TMEM273: variants seen among roughly 807,000 people sequenced by gnomAD.
TMEM273 encodes the protein chromosome 10 open reading frame 128.
TMEM273 carries 19 observed loss-of-function variants against 17.9 expected under a neutral mutation model. The observed-to-expected ratio is 1.06, with a 90% CI of 0.74 to 1.55. TMEM273 has a LOEUF of 1.55. Among genes scored for constraint, TMEM273 ranks in the 40% most tolerant of loss-of-function variants. TMEM273 has a pLI of 0.00. For missense variants in TMEM273, 194 were observed against 155.6 expected, an observed-to-expected ratio of 1.25 and a Z score of -1.31; for synonymous variants, 66 against 62.0, an observed-to-expected ratio of 1.07 and a Z score of -0.31.
chr10:49,163,873 T>C (rs1401720936), intron 5 of TMEM273, among the ~76,000 whole-genome samples: 1 of 152,116 alleles, frequency 6.6e-6, no homozygotes, highest in Non-Finnish European at 1.5e-5. Context: ...CATGTCCAGC[T>C]CATCCCAAGC....
chr10:49,179,373 G>T (rs1437972140), intron 1 of TMEM273, among the ~76,000 whole-genome samples: 1 of 152,186 alleles, frequency 6.6e-6, no homozygotes, highest in Non-Finnish European at 1.5e-5. Context: ...CAGGCATTCT[G>T]CCTTCATCCC....
At chr10:49,157,149 T>C (rs1177810737) in intron 6 of TMEM273, among the ~76,000 whole-genome samples, 2 of 152,200 alleles carry the variant, frequency 1.3e-5, no homozygotes, top group Admixed American at 6.5e-5. Flanking sequence ...CCAGAGTAGA[T>C]GGGCAGCCCA....
chr10:49,167,017 G>T lies in TMEM273; in HGVS notation c.98-8C>A, dbSNP rs750155174. 6 of 1,613,492 alleles carry T rather than the reference G, an allele frequency of 3.7e-6. No individual in the cohort carries two copies. The highest frequency in any genetic ancestry group is 1.1e-5 in the South Asian group (1 of 91,048). On this transcript the variant is annotated splice_polypyrimidine_tract_variant and splice_region_variant and intron_variant, in intron 2 of 6. Coordinates refer to ENST00000374153, the MANE Select transcript of TMEM273 (RefSeq NM_001288740.3). Reference sequence around the variant, plus strand: ...TGAGGGCGTACTTGAAATCTGAAACGCAGGGAGGAATTGAACACCCGGTTT... The same window carrying T: ...TGAGGGCGTACTTGAAATCTGAAACTCAGGGAGGAATTGAACACCCGGTTT...
Position 49,167,818 on chromosome 10 carries a change from A to G in TMEM273, c.97+91T>C, listed in dbSNP as rs1295776771. The G allele has an allele frequency of 3.9e-6, 6 of 1,530,728 alleles. No homozygotes were observed. In the African/African-American group the frequency reaches 4.1e-5, roughly 10 times the overall value. 94.8% of individuals were successfully genotyped at this position (1,530,728 alleles called of 1,614,324 possible). On this transcript the variant is annotated intron_variant, in intron 2 of 6. Coordinates refer to ENST00000374153, the MANE Select transcript of TMEM273 (RefSeq NM_001288740.3). ...TTCCTATGCTGACAGCAGGGAACCA[A>G]TTCCAGCACTGCGGCCCTCTGCTTG... is the stretch of plus-strand genomic sequence containing the variant.
chr10:49,168,914 G>A (rs944144234), intron 1 of TMEM273, among the ~76,000 whole-genome samples: 1 of 152,180 alleles, frequency 6.6e-6, no homozygotes, highest in Non-Finnish European at 1.5e-5. Flanking sequence ...GACACTGGGT[G>A]CAGTGCTGGC....
intron 1 of TMEM273, among the ~76,000 whole-genome samples, chr10:49,186,292 TC>T (rs1223048744): frequency 6.6e-6 from 1 of 152,230 alleles, no homozygotes; most frequent in African/African-American, 2.4e-5. Flanking sequence ...ATTAACTTAG[TC>T]AAATTCCTAC....
At chr10:49,177,271 T>G (rs950283518) in intron 1 of TMEM273, among the ~76,000 whole-genome samples, 2 of 152,204 alleles carry the variant, frequency 1.3e-5, no homozygotes, top group African/African-American at 4.8e-5. Flanking sequence ...GAATCTGGTC[T>G]TTTGGAAATT....
At chr10:49,185,206 G>A (rs117254797) in intron 1 of TMEM273, among the ~76,000 whole-genome samples, 1,676 of 152,220 alleles carry the variant, frequency 0.011, 14 homozygotes, top group Admixed American at 0.017. Flanking sequence ...CAGAGTGTTG[G>A]CTCCATAAAT....
intron 1 of TMEM273, 56 bp downstream of exon 1, chr10:49,188,237 CA>C: frequency 6.3e-7 from 1 of 1,596,370 alleles, no homozygotes; most frequent in Non-Finnish European, 8.6e-7. Flanking sequence ...AAGGCTCCCC[CA>C]GTTTCCTGCC....
intron 1 of TMEM273, among the ~76,000 whole-genome samples, chr10:49,180,452 G>A (rs1266260827): frequency 1.3e-5 from 2 of 152,120 alleles, no homozygotes; most frequent in Admixed American, 6.5e-5. Flanking sequence ...TGTCAGTGGT[G>A]GCCAGAGAGG....
intron 1 of TMEM273, among the ~76,000 whole-genome samples, chr10:49,184,726 A>G (rs1847559968): frequency 6.6e-6 from 1 of 152,148 alleles, no homozygotes; most frequent in Admixed American, 6.5e-5. Context: ...AGGAGAATTG[A>G]CACGACATTT....
intron 1 of TMEM273, among the ~76,000 whole-genome samples, chr10:49,186,795 G>A (rs1590269244): frequency 2.6e-5 from 4 of 152,280 alleles, no homozygotes; most frequent in African/African-American, 7.2e-5. Context: ...GAGCTGTGAT[G>A]CCTTGGCCCA....
intron 1 of TMEM273, among the ~76,000 whole-genome samples, chr10:49,184,548 T>C (rs1187045137): frequency 2.6e-5 from 4 of 152,218 alleles, no homozygotes; most frequent in African/African-American, 7.2e-5. Context: ...TTATTCCTAG[T>C]AGTGATTAGG....
rs550039539 is a variant in TMEM273 at position 49,177,016 on chromosome 10, G to C, written c.44-9054C>G. Among the ~76,000 whole-genome samples, 5 of 152,324 alleles carry C rather than the reference G, an allele frequency of 3.3e-5. No individual in the cohort carries two copies. In the South Asian group the frequency reaches 1.0e-3, roughly 32 times the overall value. On this transcript the variant is annotated intron_variant, in intron 1 of 6. Transcript: ENST00000374153. ...CATTCTTCAGGGGCCCCTTCCAGAG[G>C]GGGAGGTGCAGCCCTGCTGCCTGCC...
rs763403733 is a variant in TMEM273, at chr10:49,188,250, A to C, written c.43+44T>G. On this transcript the variant is annotated intron_variant, in intron 1 of 6. Coordinates refer to ENST00000374153, the MANE Select transcript of TMEM273 (RefSeq NM_001288740.3). ...CTAAGGCTCCCCCAGTTTCCTGCCC[A>C]CTGAGGCTCCCCCGGGCCAGAGACC... 24 of 1,611,504 alleles carry C rather than the reference A, an allele frequency of 1.5e-5. 1 individual carries two copies. In the South Asian group the frequency reaches 2.5e-4, roughly 17 times the overall value.
intron 1 of TMEM273, among the ~76,000 whole-genome samples, chr10:49,186,068 G>GAAGAAGAAGAAGAAGAAGAAGGA: frequency 1.5e-5 from 1 of 67,190 alleles, no homozygotes; most frequent in East Asian, 5.8e-4. Context: ...AAGAAGAAGA[G>GAAGAAGAAGAAGAAGAAGAAGGA]GAAGAAGAAG....
At chr10:49,165,045 G>A (rs927949564) in intron 5 of TMEM273, among the ~76,000 whole-genome samples, 160 bp downstream of exon 5, 7 of 152,140 alleles carry the variant, frequency 4.6e-5, no homozygotes, top group Admixed American at 1.3e-4. Flanking sequence ...AAGTGAAAAG[G>A]AAGACCCTAC....
intron 6 of TMEM273, 91 bp downstream of exon 6, chr10:49,161,508 A>G: frequency 1.3e-6 from 2 of 1,546,054 alleles, no homozygotes; most frequent in African/African-American, 2.7e-5. Flanking sequence ...TGGCCAGGGG[A>G]GGGAGAGGTC....
intron 1 of TMEM273, 68 bp from the exon 2 acceptor site, chr10:49,168,030 A>G (rs924901422): frequency 1.3e-6 from 2 of 1,593,960 alleles, no homozygotes; most frequent in African/African-American, 1.3e-5. Context: ...ACCCAGTCTC[A>G]GAGGCCTGGG....
Sources: gnomAD v4.1 joint callset for allele counts (sites outside exome capture counted in the v4.1 genomes callset) on GRCh38, gnomAD v4.1.1 for gene constraint, MANE v1.5 for transcripts, NCBI Gene and HGNC (gene_info 2026-07-23, HGNC 2026-07-21) for gene names.